Variants in GLT1D1 observed in about 807,000 individuals in gnomAD.
GLT1D1 encodes the protein glycosyltransferase 1 domain containing 1.
GLT1D1 carries 21 observed loss-of-function variants against 28.7 expected under a neutral mutation model. The ratio of observed to expected loss-of-function variants is 0.73; its 90% CI spans 0.52 to 1.05. The LOEUF (loss-of-function observed/expected upper bound fraction) is 1.05, where lower values mean the gene tolerates loss of function less well. GLT1D1 is among the 50% of genes least tolerant of loss of function. The probability of loss-of-function intolerance (pLI) is 0.00; values close to 1 mark genes in which losing one functional copy is unlikely to be tolerated. For missense variants in GLT1D1, 343 were observed against 330.6 expected (o/e 1.04, Z -0.29); for synonymous variants, 147 against 124.8 (o/e 1.18, Z -1.19).
chr12:128,928,610 T>C (rs1873528712), intron 4 of GLT1D1, among the ~76,000 whole-genome samples: 2 of 147,510 alleles, frequency 1.4e-5, no homozygotes, highest in Admixed American at 1.3e-4. Flanking sequence ...CGCGTGTTTG[T>C]GGTTTTTTTT....
At chr12:128,899,383 A>G in intron 4 of GLT1D1, 96 bp downstream of exon 4, 7 of 1,012,858 alleles carry the variant, frequency 6.9e-6, no homozygotes, top group South Asian at 6.3e-5. Context: ...CAGTGTTCCC[A>G]TGGACGGTGC....
intron 6 of GLT1D1, among the ~76,000 whole-genome samples, chr12:128,951,476 T>G (rs1217727221): frequency 6.6e-6 from 1 of 152,320 alleles, no homozygotes; most frequent in Non-Finnish European, 1.5e-5. Flanking sequence ...TTGCCAGTTT[T>G]TTTGTTTGTT....
chr12:128,932,627 T>C (rs755915263), intron 4 of GLT1D1, among the ~76,000 whole-genome samples: 3 of 152,116 alleles, frequency 2.0e-5, no homozygotes, highest in Non-Finnish European at 4.4e-5. Context: ...AGCAAACAGG[T>C]CATGAGCGCC....
At chr12:128,914,183 T>A (rs1444440387) in intron 4 of GLT1D1, among the ~76,000 whole-genome samples, 1 of 152,148 alleles carries the variant, frequency 6.6e-6, no homozygotes, top group Non-Finnish European at 1.5e-5. Context: ...AAATGTAACT[T>A]CTCTCTCTGA....
intron 7 of GLT1D1, among the ~76,000 whole-genome samples, chr12:128,963,924 T>C (rs1022476350): frequency 5.9e-5 from 9 of 152,354 alleles, no homozygotes; most frequent in African/African-American, 1.9e-4. Context: ...TGTCTTAGTC[T>C]GTTCCGGCTG....
chr12:128,922,439 G>A (rs544451320), intron 4 of GLT1D1, among the ~76,000 whole-genome samples: 31 of 152,196 alleles, frequency 2.0e-4, no homozygotes, highest in African/African-American at 7.5e-4. Flanking sequence ...ATCTTGAAAA[G>A]TTTTCTCCAT....
chr12:128,969,690 G>A (rs1215074880), intron 7 of GLT1D1, among the ~76,000 whole-genome samples: 2 of 152,212 alleles, frequency 1.3e-5, no homozygotes, highest in East Asian at 3.9e-4. Flanking sequence ...TGCTTGCATC[G>A]CGTCTGGAAT....
At chr12:128,864,923 G>A (rs1477737003) in intron 1 of GLT1D1, among the ~76,000 whole-genome samples, 1 of 152,176 alleles carries the variant, frequency 6.6e-6, no homozygotes, top group East Asian at 1.9e-4. Context: ...CTGTAGAGGA[G>A]GCAAGGCCAT....
In GLT1D1 at chr12:128,947,319, T is replaced by G; in HGVS notation, c.420-19T>G. 6.2e-7 allele frequency: 1 copy of G among 1,613,614 alleles called. No individual in the cohort carries two copies. The highest frequency in any genetic ancestry group is 8.5e-7 in the Non-Finnish European group (1 of 1,179,874). On this transcript the variant is annotated intron_variant, in intron 5 of 7. Coordinates refer to ENST00000281703, the MANE Select transcript of GLT1D1 (RefSeq NM_144669.3). Reference sequence around the variant, plus strand: ...GAGATTCTTGGAATCAGAGCCACTCTTCCTGCTTTGTGTTTCAGAGCCGCT... The same window carrying G: ...GAGATTCTTGGAATCAGAGCCACTCGTCCTGCTTTGTGTTTCAGAGCCGCT...
chr12:128,894,321 A>G (rs1203409174), intron 3 of GLT1D1, among the ~76,000 whole-genome samples: 1 of 152,132 alleles, frequency 6.6e-6, no homozygotes, highest in Non-Finnish European at 1.5e-5. Flanking sequence ...AGGCACAGAC[A>G]GGGGAAGTGG....
intron 2 of GLT1D1, among the ~76,000 whole-genome samples, chr12:128,882,950 G>T (rs1957091747): frequency 6.7e-6 from 1 of 149,338 alleles, no homozygotes; most frequent in African/African-American, 2.5e-5. Context: ...TTTTTGAGAC[G>T]GAGTCTCACT....
At chr12:128,879,737 G>A (rs1274811120) in intron 2 of GLT1D1, among the ~76,000 whole-genome samples, 1 of 152,096 alleles carries the variant, frequency 6.6e-6, no homozygotes, top group African/African-American at 2.4e-5. Flanking sequence ...GATTACAGGC[G>A]GGAGCCACCA....
chr12:128,957,234 C>T (rs554296091), intron 6 of GLT1D1, among the ~76,000 whole-genome samples: 3 of 152,232 alleles, frequency 2.0e-5, no homozygotes, highest in East Asian at 1.9e-4. Context: ...TCCATGCGGT[C>T]GGTCGGTGAA....
chr12:128,948,929 G>A (rs377589913), intron 6 of GLT1D1, among the ~76,000 whole-genome samples: 1 of 152,220 alleles, frequency 6.6e-6, no homozygotes, highest in East Asian at 1.9e-4. Flanking sequence ...CCGTGCCCAT[G>A]AATCTGCTGT....
chr12:128,884,191 G>A (rs1957127265), intron 2 of GLT1D1, among the ~76,000 whole-genome samples: 1 of 151,970 alleles, frequency 6.6e-6, no homozygotes, highest in Non-Finnish European at 1.5e-5. Context: ...AATGGATACA[G>A]AAAATGGGGT....
intron 4 of GLT1D1, among the ~76,000 whole-genome samples, chr12:128,904,392 AT>A (rs1375646828): frequency 1.3e-5 from 2 of 151,736 alleles, no homozygotes; most frequent in African/African-American, 4.9e-5. Context: ...ACAACCTAAC[AT>A]TTTTATCAAT....
At chr12:128,982,700 ATG>A (rs1200796686) in intron 7 of GLT1D1, among the ~76,000 whole-genome samples, 3 of 151,412 alleles carry the variant, frequency 2.0e-5, no homozygotes, top group Non-Finnish European at 2.9e-5. Flanking sequence ...GTGTGTGCAT[ATG>A]TGTGTGTGCA....
At chr12:128,911,032 C>T (rs558621348) in intron 4 of GLT1D1, among the ~76,000 whole-genome samples, 2 of 152,280 alleles carry the variant, frequency 1.3e-5, no homozygotes, top group East Asian at 3.9e-4. Flanking sequence ...CGGGTTCAAG[C>T]GATTGTCCTG....
At chr12:128,934,776 C>T (rs1181227040) in intron 4 of GLT1D1, among the ~76,000 whole-genome samples, 1 of 152,200 alleles carries the variant, frequency 6.6e-6, no homozygotes, top group Non-Finnish European at 1.5e-5. Flanking sequence ...GCCAGGATGT[C>T]GCGTCAAGAA....
Sources: allele counts gnomAD v4.1 joint callset (sites outside exome capture counted in the v4.1 genomes callset), GRCh38; gene constraint gnomAD v4.1.1; transcripts MANE v1.5; gene names NCBI Gene and HGNC (gene_info 2026-07-23, HGNC 2026-07-21).